Variants in PTPN18 observed in about 807,000 individuals in gnomAD.
The protein encoded by PTPN18 is protein tyrosine phosphatase non-receptor type 18, also known as tyrosine-protein phosphatase non-receptor type 18.
A neutral mutation model predicts 65.4 loss-of-function variants in PTPN18; 65 were observed. The observed-to-expected ratio is 0.99, with a 90% CI of 0.81 to 1.22. The LOEUF is 1.22. Ranked by LOEUF, PTPN18 falls within the 50% of genes most tolerant of loss-of-function variation. PTPN18 has a pLI of 0.00. For missense variants in PTPN18, 616 were observed against 646.5 expected, an observed-to-expected ratio of 0.95 and a Z score of 0.51; for synonymous variants, 255 against 267.8, an observed-to-expected ratio of 0.95 and a Z score of 0.47.
At chr2:130,362,231 A>G (rs1485412470) in intron 5 of PTPN18, 2 of 462,344 alleles carry the variant, frequency 4.3e-6, no homozygotes, top group Admixed American at 2.4e-5. Flanking sequence ...CGGCCTCCCA[A>G]AGTGCTAAGA....
At position 130,370,875 on chromosome 2, in the gene PTPN18, G is replaced by A. The variant is rs759141831; in HGVS notation, c.835G>A (p.Glu279Lys). Residue 279 changes from glutamate (E) to lysine (K), a missense_variant and splice_region_variant, in exon 11 of 15, where the codon GAG becomes AAG. By Grantham distance (56) the Glu-to-Lys change is moderately conservative (BLOSUM62 1). Around this residue, in one of 3 missense-constraint regions of PTPN18, gnomAD observed 368 missense variants for 386.7 expected, o/e 0.95. Coordinates refer to ENST00000175756, the MANE Select transcript of PTPN18 (RefSeq NM_014369.4). ...TCTTGATGGTCCCTCACCCCAACAG[G>A]AGCAGTACAGGTTCCTGTACCACAC... ...KQRPAAVQTE[E>K]QYRFLYHTVA... 2.5e-6 allele frequency: 4 copies of A among 1,613,936 alleles called. No homozygotes were observed. Among genetic ancestry groups the A allele is most frequent in the East Asian group, 4.5e-5 (2 of 44,884 alleles).
intron 11 of PTPN18, 109 bp from the exon 12 acceptor site, chr2:130,371,090 C>A: frequency 7.3e-7 from 1 of 1,369,042 alleles, no homozygotes. Context: ...CCTGTGCCCT[C>A]CTCCAGGCAT....
rs1377278994 is a variant in PTPN18, at chr2:130,370,886, G to T, written c.846G>T (p.Arg282Ser). The change falls in exon 11 of 15, where the codon AGG becomes AGT. Residue 282 changes from arginine to serine, a missense_variant. This residue lies in a region of PTPN18 where 368 missense variants were observed against 386.7 expected (regional missense o/e 0.95). Transcript: ENST00000175756. ...CCTCACCCCAACAGGAGCAGTACAG[G>T]TTCCTGTACCACACGGTGGCTCAGA... ...PAAVQTEEQY[R>S]FLYHTVAQMF... The T allele has an allele frequency of 1.2e-6, 2 of 1,614,088 alleles. No individual in the cohort carries two copies. The highest frequency in any genetic ancestry group is 1.7e-6 in the Non-Finnish European group (2 of 1,179,996).
Position 130,371,352 on chromosome 2 carries a change from T to C in PTPN18, c.1013+65T>C, listed in dbSNP as rs1487257444. 2.9e-6 allele frequency: 4 copies of C among 1,360,760 alleles called. No individual in the cohort carries two copies. In the African/African-American group the frequency reaches 4.4e-5, roughly 15 times the overall value. The allele number at this position is 1,360,760 out of a possible 1,614,324, so 84.3% of individuals were successfully genotyped here. ...CTCAGGCTAACCCCTTCTTCATCCT[T>C]GGAACACCAGTCCGTTCCTTGTTCA... On this transcript the variant is annotated intron_variant, in intron 12 of 14. Coordinates refer to ENST00000175756, the MANE Select transcript of PTPN18 (RefSeq NM_014369.4).
In PTPN18 at chr2:130,369,843, A is replaced by G; in HGVS notation, c.546+16A>G. ...ATTCCAGAAGGTACTGTGACAGGGG[A>G]GGAGGAGGTAAAGGGGCTCCTGAAA... On this transcript the variant is annotated intron_variant, in intron 7 of 14. Coordinates refer to ENST00000175756, the MANE Select transcript of PTPN18 (RefSeq NM_014369.4). 1 of 1,581,764 alleles carries G rather than the reference A, an allele frequency of 6.3e-7. No homozygotes were observed.
chr2:130,367,362 G>T (rs999892520), intron 5 of PTPN18, among the ~76,000 whole-genome samples: 1 of 151,984 alleles, frequency 6.6e-6, no homozygotes, highest in Non-Finnish European at 1.5e-5. Flanking sequence ...GTCCTTTTGT[G>T]CATAATGCTT....
rs1389492467 is a variant in PTPN18 at position 130,372,650 on chromosome 2, G to T, written c.1240+167G>T. On this transcript the variant is annotated intron_variant, in intron 13 of 14. Transcript: ENST00000175756. ...GCGTCCCTGGCCACGCCCCGGAAGC[G>T]CCCCCTGGCGGTCGCAGTCGCGGTC... The T allele has an allele frequency of 3.8e-6, 4 of 1,040,160 alleles. No homozygotes were observed. The East Asian group carries it at 1.1e-4, about 28-fold the overall frequency. The allele number at this position is 1,040,160 out of a possible 1,614,324, so 64.4% of individuals were successfully genotyped here. A position where few individuals can be genotyped will look rare whatever the true frequency, so the allele number is the denominator to read the frequency against.
In PTPN18 at chr2:130,366,667, G is replaced by C. The variant is rs151198136; in HGVS notation, c.415-2466G>C. On this transcript the variant is annotated intron_variant, in intron 5 of 14. Transcript: ENST00000175756. ...TTTTGCAAGAGTTTGTGAAAGGCTG[G>C]TATTAATTCCTCTTTGTTTGATAAA... is the stretch of plus-strand genomic sequence containing the variant. Among the ~76,000 whole-genome samples the C allele has an allele frequency of 5.5e-3, 840 of 152,206 alleles. 4 individuals are homozygous for C. Among genetic ancestry groups the C allele is most frequent in the African/African-American group, 0.018 (766 of 41,530 alleles).
chr2:130,369,798 C>G lies in PTPN18; in HGVS notation c.517C>G (p.Leu173Val). 6.2e-7 allele frequency: 1 copy of G among 1,605,296 alleles called. No homozygotes were observed. Among genetic ancestry groups the G allele is most frequent in the Middle Eastern group, 1.7e-4 (1 of 6,056 alleles). Residue 173 changes from leucine to valine, a missense_variant, in exon 7 of 15, where the codon CTC becomes GTC. Leu to Val is a conservative substitution (Grantham distance 32, BLOSUM62 1). Around this residue, in one of 3 missense-constraint regions of PTPN18, gnomAD observed 25 missense variants for 49.8 expected, o/e 0.50. Coordinates refer to ENST00000175756, the MANE Select transcript of PTPN18 (RefSeq NM_014369.4). ...GAAGTGGCTGAATGAGGACATCATG[C>G]TCAGGACCCTCAAGGTCACATTCCA... ...KEKWLNEDIMLRTLKVTFQKE... is the reference protein window; with the variant it reads ...KEKWLNEDIMVRTLKVTFQKE...
intron 1 of PTPN18, among the ~76,000 whole-genome samples, chr2:130,357,565 T>C (rs1305118194): frequency 6.6e-6 from 1 of 152,148 alleles, no homozygotes; most frequent in Admixed American, 6.5e-5. Context: ...ATATAAAATA[T>C]GTAACAGATG....
Position 130,359,505 on chromosome 2 carries a change from G to A in PTPN18, c.375+13G>A, listed in dbSNP as rs759283776. 1 of 1,613,964 alleles carries A rather than the reference G, an allele frequency of 6.2e-7. No individual in the cohort carries two copies. Among genetic ancestry groups the A allele is most frequent in the Non-Finnish European group, 8.5e-7 (1 of 1,179,864 alleles). On this transcript the variant is annotated intron_variant, in intron 4 of 14. Transcript: ENST00000175756. ...GTTTGGGGTCAAGGTCAGCACTTGG[G>A]GGTGCGGCACAATGGTGGGGTCAAC... is the stretch of plus-strand genomic sequence containing the variant.
At chr2:130,370,279 C>T (rs1680515701) in intron 8 of PTPN18, 89 bp downstream of exon 8, 1 of 1,555,784 alleles carries the variant, frequency 6.4e-7, no homozygotes, top group Non-Finnish European at 8.7e-7. Flanking sequence ...GTCTTGTAGT[C>T]TGAGTGCCTA....
chr2:130,356,728 C>T, intron 1 of PTPN18: 1 of 433,888 alleles, frequency 2.3e-6, no homozygotes, highest in South Asian at 1.7e-5. Flanking sequence ...TCCCGGCCAT[C>T]CGCGTGTGGT....
At chr2:130,367,589 G>A (rs1291715473) in intron 5 of PTPN18, among the ~76,000 whole-genome samples, 1 of 152,110 alleles carries the variant, frequency 6.6e-6, no homozygotes, top group East Asian at 1.9e-4. Flanking sequence ...CAGGAGAATC[G>A]CTTGAACCTG....
At chr2:130,361,007 C>T (rs1039140848) in intron 5 of PTPN18, among the ~76,000 whole-genome samples, 1 of 152,076 alleles carries the variant, frequency 6.6e-6, no homozygotes, top group Non-Finnish European at 1.5e-5. Flanking sequence ...AATTCATTTT[C>T]TACTTTAATT....
chr2:130,357,308 T>A (rs562874477), intron 1 of PTPN18, among the ~76,000 whole-genome samples: 1 of 152,370 alleles, frequency 6.6e-6, no homozygotes, highest in East Asian at 1.9e-4. Flanking sequence ...CACTGTACAT[T>A]ACAGTTGATG....
Position 130,373,291 on chromosome 2 carries a change from G to A in PTPN18, c.*67G>A. ...ACTGCTGATGCCCCGGTGCTGCTGA[G>A]CGCCGTGCGCAGAATGGAAACAGTG... is the stretch of plus-strand genomic sequence containing the variant. On this transcript the variant is annotated 3_prime_UTR_variant, in exon 15 of 15. Transcript: ENST00000175756. This position sits in a 1 kb window ranked among gnomAD's most constrained non-coding sequence, Gnocchi z 4.1. 7.1e-7 allele frequency: 1 copy of A among 1,412,108 alleles called. No homozygotes were observed. The highest frequency in any genetic ancestry group is 9.5e-7 in the Non-Finnish European group (1 of 1,052,948). 87.5% of individuals were successfully genotyped at this position (1,412,108 alleles called of 1,614,324 possible).
intron 5 of PTPN18, chr2:130,362,100 T>C (rs1265386817): frequency 1.3e-5 from 6 of 469,110 alleles, no homozygotes; most frequent in Admixed American, 4.7e-5. Flanking sequence ...CCCTGAGGAG[T>C]TGGGACTACA....
rs372329901 is a variant in PTPN18 at position 130,370,513 on chromosome 2, T to C, written c.690-44T>C. On this transcript the variant is annotated intron_variant, in intron 8 of 14. Coordinates refer to ENST00000175756, the MANE Select transcript of PTPN18 (RefSeq NM_014369.4). ...CCCCAAATGCCCCATCTAAAAGGGG[T>C]TGTGGTCAGGACCTGACCAGGCACA... 55 of 1,609,520 alleles carry C rather than the reference T, an allele frequency of 3.4e-5. No homozygotes were observed. The African/African-American group carries it at 6.4e-4, about 19-fold the overall frequency.
Sources: gnomAD v4.1 joint callset for allele counts (sites outside exome capture counted in the v4.1 genomes callset) on GRCh38, gnomAD v4.1.1 for gene constraint, gnomAD v4.1.1 regional missense constraint, Gnocchi (gnomAD v3.1) non-coding constraint, MANE v1.5 for transcripts, NCBI Gene and HGNC (gene_info 2026-07-23, HGNC 2026-07-21) for gene names.